The following MTARC2 variants were observed in gnomAD, a reference collection of about 807,000 sequenced individuals.
MTARC2 encodes mitochondrial amidoxime reducing component 2.
Under a neutral mutation model 35.6 loss-of-function variants are expected in MTARC2, and 27 were observed. That is an observed-to-expected ratio of 0.76 (90% CI 0.56 to 1.04). The LOEUF (loss-of-function observed/expected upper bound fraction) is 1.04. Ranked by LOEUF, MTARC2 falls within the 50% of genes least tolerant of loss-of-function variation. The probability of loss-of-function intolerance (pLI) is 0.00; values close to 1 mark genes in which losing one functional copy is unlikely to be tolerated. For synonymous variants in MTARC2, 158 were observed against 167.1 expected (o/e 0.95, Z 0.42); for missense variants, 412 against 432.5 (o/e 0.95, Z 0.42).
rs747576455 is a variant in MTARC2 at position 220,761,825 on chromosome 1, G to A, written c.609+5G>A. On this transcript the variant is annotated splice_donor_5th_base_variant and intron_variant, in intron 3 of 7. Coordinates refer to ENST00000366913, the MANE Select transcript of MTARC2 (RefSeq NM_017898.5). ...ACTCTTGATCAGAATTTCCAGGTGA[G>A]CTTACAGAGAGTTTACCTTCACTGC... 4 of 1,601,062 alleles carry A rather than the reference G, an allele frequency of 2.5e-6. No homozygotes were observed. The highest frequency in any genetic ancestry group is 2.6e-6 in the Non-Finnish European group (3 of 1,175,048).
At chr1:220,778,473 C>T (rs1671979090) in intron 4 of MTARC2, among the ~76,000 whole-genome samples, 1 of 152,036 alleles carries the variant, frequency 6.6e-6, no homozygotes, top group East Asian at 1.9e-4. Flanking sequence ...AGAACTCACC[C>T]ACTATCATGA....
intron 4 of MTARC2, among the ~76,000 whole-genome samples, chr1:220,774,897 CTCTG>C (rs1671852223): frequency 1.3e-5 from 2 of 150,058 alleles, no homozygotes; most frequent in Non-Finnish European, 2.9e-5. Context: ...TATCTACTTC[CTCTG>C]TCTGTGTGGA....
chr1:220,773,964 A>AACACAC (rs3056885), intron 4 of MTARC2, among the ~76,000 whole-genome samples: 26 of 148,524 alleles, frequency 1.8e-4, no homozygotes, highest in Middle Eastern at 3.4e-3. Flanking sequence ...ATTATATATA[A>AACACAC]ACACACACAC....
intron 6 of MTARC2, 135 bp from the exon 7 acceptor site, chr1:220,781,643 C>T (rs1672073880): frequency 1.2e-6 from 1 of 857,306 alleles, no homozygotes; most frequent in African/African-American, 1.7e-5. Context: ...TGTCCACAGA[C>T]TTCTCTCGCA....
intron 1 of MTARC2, among the ~76,000 whole-genome samples, chr1:220,751,262 A>G (rs1671115873): frequency 6.6e-6 from 1 of 152,158 alleles, no homozygotes; most frequent in African/African-American, 2.4e-5. Flanking sequence ...CTCTTAGTAT[A>G]CTTGTGAACA....
chr1:220,764,161 T>A (rs1303638928), intron 4 of MTARC2, among the ~76,000 whole-genome samples: 1 of 152,026 alleles, frequency 6.6e-6, no homozygotes, highest in African/African-American at 2.4e-5. Flanking sequence ...TGGCACGATC[T>A]CGGCTCGCTG....
At chr1:220,769,976 G>A (rs1671696574) in intron 4 of MTARC2, among the ~76,000 whole-genome samples, 1 of 149,606 alleles carries the variant, frequency 6.7e-6, no homozygotes. Flanking sequence ...GCGTGATGGC[G>A]GGCGACTGTA....
chr1:220,758,194 A>T (rs1671335085), intron 2 of MTARC2, among the ~76,000 whole-genome samples: 1 of 151,746 alleles, frequency 6.6e-6, no homozygotes, highest in Non-Finnish European at 1.5e-5. Flanking sequence ...CATGTTGGCT[A>T]CCATGGTCTC....
chr1:220,781,740 C>T (rs561101413), intron 6 of MTARC2, 38 bp from the exon 7 acceptor site: 14 of 1,609,006 alleles, frequency 8.7e-6, no homozygotes, highest in Non-Finnish European at 1.1e-5. Context: ...TTATTATTTC[C>T]TTTTTGTGTC....
chr1:220,762,921 A>G lies in MTARC2; in HGVS notation c.621A>G (p.Pro207=). ...TLDQNFQVAY[P]DYCPLLIMTD... is the part of the protein sequence containing the mutation. ...GTGTTCTTGGCAAGGTGGCCTACCC[A>G]GACTACTGCCCGCTCCTGATCATGA... The change falls in exon 4 of 8, where the codon CCA becomes CCG. Residue 207 remains proline, a synonymous_variant. Transcript: ENST00000366913. 1 of 1,614,184 alleles carries G rather than the reference A, an allele frequency of 6.2e-7. No individual in the cohort carries two copies. Among genetic ancestry groups the G allele is most frequent in the Non-Finnish European group, 8.5e-7 (1 of 1,180,032 alleles).
At chr1:220,759,174 A>G (rs1465074163) in intron 2 of MTARC2, among the ~76,000 whole-genome samples, 5 of 152,160 alleles carry the variant, frequency 3.3e-5, no homozygotes, top group Admixed American at 3.3e-4. Flanking sequence ...TTAATTATTG[A>G]TAGAACTTGC....
intron 1 of MTARC2, 138 bp downstream of exon 1, chr1:220,748,941 G>C: frequency 8.3e-7 from 1 of 1,199,710 alleles, no homozygotes; most frequent in Non-Finnish European, 1.1e-6. Context: ...TGGGCCGTTG[G>C]TCGTTTATCT....
intron 2 of MTARC2, among the ~76,000 whole-genome samples, chr1:220,755,908 A>G (rs956435085): frequency 6.6e-6 from 1 of 152,210 alleles, no homozygotes; most frequent in Non-Finnish European, 1.5e-5. Flanking sequence ...TCAAATCTTC[A>G]TTCAGAATTG....
Position 220,755,061 on chromosome 1 carries a change from C to A in MTARC2, c.387C>A (p.Asp129Glu). ...ENNCLIFRAP[D>E]MDQLVLPSKQ... Reference sequence around the variant, plus strand: ...ACTGCCTGATCTTCAGGGCTCCAGACATGGACCAGCTGGTTTTGCCTAGCA... The same window carrying A: ...ACTGCCTGATCTTCAGGGCTCCAGAAATGGACCAGCTGGTTTTGCCTAGCA... The change falls in exon 2 of 8, where the codon GAC becomes GAA. Residue 129 changes from aspartate (D) to glutamate (E), a missense_variant. Asp to Glu is a conservative substitution (Grantham distance 45). Coordinates refer to ENST00000366913, the MANE Select transcript of MTARC2 (RefSeq NM_017898.5). 2 of 1,613,188 alleles carry A rather than the reference C, an allele frequency of 1.2e-6. No individual in the cohort carries two copies. Among genetic ancestry groups the A allele is most frequent in the African/African-American group, 1.3e-5 (1 of 74,988 alleles).
At chr1:220,769,600 C>T (rs1671678763) in intron 4 of MTARC2, among the ~76,000 whole-genome samples, 1 of 152,118 alleles carries the variant, frequency 6.6e-6, no homozygotes, top group African/African-American at 2.4e-5. Flanking sequence ...GCCTGGAGAG[C>T]AGAGTGGCCT....
chr1:220,770,725 TG>T (rs1671720885), intron 4 of MTARC2, among the ~76,000 whole-genome samples: 2 of 152,232 alleles, frequency 1.3e-5, no homozygotes, highest in Admixed American at 6.5e-5. Flanking sequence ...CAGCCTCTGC[TG>T]TTGGTCATGT....
chr1:220,758,549 A>G (rs1333366942), intron 2 of MTARC2, among the ~76,000 whole-genome samples: 1 of 151,148 alleles, frequency 6.6e-6, no homozygotes, highest in Non-Finnish European at 1.5e-5. Flanking sequence ...CCTCCTGAGT[A>G]GCTGGGACTA....
intron 1 of MTARC2, among the ~76,000 whole-genome samples, chr1:220,749,967 A>G (rs1274825246): frequency 6.6e-6 from 1 of 152,132 alleles, no homozygotes; most frequent in Non-Finnish European, 1.5e-5. Flanking sequence ...GTGTACACAG[A>G]CCATATGAAT....
At chr1:220,760,637 A>G (rs1273722203) in intron 2 of MTARC2, among the ~76,000 whole-genome samples, 2 of 152,234 alleles carry the variant, frequency 1.3e-5, no homozygotes, top group African/African-American at 4.8e-5. Flanking sequence ...AATATATAGC[A>G]TATCTATTTT....
Sources: allele counts gnomAD v4.1 joint callset (sites outside exome capture counted in the v4.1 genomes callset), GRCh38; gene constraint gnomAD v4.1.1; transcripts MANE v1.5; gene names NCBI Gene and HGNC (gene_info 2026-07-23, HGNC 2026-07-21).